The following IGF2BP2 variants were observed in gnomAD, a reference collection of about 807,000 sequenced individuals.
IGF2BP2 encodes insulin-like growth factor 2 mRNA-binding protein 2.
In IGF2BP2, 17 loss-of-function variants were observed where a neutral mutation model predicts 75.8. The observed-to-expected ratio is 0.22, with a 90% CI of 0.15 to 0.34. The LOEUF is 0.34. IGF2BP2 is among the 10% of genes least tolerant of loss of function. The pLI is 1.00. For synonymous variants in IGF2BP2, 288 were observed against 295.6 expected (o/e 0.97, Z 0.26); for missense variants, 516 against 772.4 (o/e 0.67, Z 3.93).
At chr3:185,800,732 A>G (rs904753655) in intron 2 of IGF2BP2, among the ~76,000 whole-genome samples, 1 of 152,040 alleles carries the variant, frequency 6.6e-6, no homozygotes, top group African/African-American at 2.4e-5. Context: ...GAAAGAAAGA[A>G]AGAAAGAAAG....
At chr3:185,774,009 T>C (rs1247006405) in intron 2 of IGF2BP2, among the ~76,000 whole-genome samples, 1 of 152,138 alleles carries the variant, frequency 6.6e-6, no homozygotes. Context: ...GAGAAACAAA[T>C]CTCTTTTGAT....
At position 185,808,227 on chromosome 3, in the gene IGF2BP2, G is replaced by A. The variant is rs923611241; in HGVS notation, c.239+14926C>T. On this transcript the variant is annotated intron_variant, in intron 2 of 15. Transcript: ENST00000382199. ...ATGGTGGCTCACACCTGTAATCCCA[G>A]GACTTTGGAAGGCCGAGGCGGGTGG... 2.6e-5 allele frequency among the ~76,000 whole-genome samples: 4 copies of A among 152,172 alleles called. No individual in the cohort carries two copies. The South Asian group carries it at 8.3e-4, about 32-fold the overall frequency.
At chr3:185,665,359 AAGG>A (rs1717247485) in intron 10 of IGF2BP2, among the ~76,000 whole-genome samples, 4 of 62,802 alleles carry the variant, frequency 6.4e-5, no homozygotes, top group Non-Finnish European at 9.9e-5. Context: ...GGAGGAGGAG[AAGG>A]AGGAGGAGGA....
In IGF2BP2 at chr3:185,646,266, C is replaced by T. The variant is rs375836277; in HGVS notation, c.1708-643G>A. 1.6e-4 allele frequency among the ~76,000 whole-genome samples: 25 copies of T among 152,046 alleles called. No individual in the cohort carries two copies. In the South Asian group the frequency reaches 5.0e-3, roughly 30 times the overall value. On this transcript the variant is annotated intron_variant, in intron 15 of 15. Coordinates refer to ENST00000382199, the MANE Select transcript of IGF2BP2 (RefSeq NM_006548.6). ...AGTGAGAATTTCAAAGGGCACTGGG[C>T]GGGGGGTGCGTGTGTGGGTGGCGGG...
At chr3:185,699,160 A>C (rs1475834265) in intron 2 of IGF2BP2, among the ~76,000 whole-genome samples, 1 of 152,230 alleles carries the variant, frequency 6.6e-6, no homozygotes, top group East Asian at 1.9e-4. Context: ...AAAAAACAAA[A>C]AACAAATGAA....
chr3:185,672,789 C>T, intron 9 of IGF2BP2, 120 bp from the exon 10 acceptor site: 2 of 1,090,842 alleles, frequency 1.8e-6, no homozygotes, highest in Non-Finnish European at 2.7e-6. Context: ...TCTGCCCAGG[C>T]TCTTCCTACC....
At chr3:185,735,513 T>C (rs777018116) in intron 2 of IGF2BP2, among the ~76,000 whole-genome samples, 1 of 152,224 alleles carries the variant, frequency 6.6e-6, no homozygotes, top group Non-Finnish European at 1.5e-5. Flanking sequence ...TAAATATAAA[T>C]AGCTAAGAAC....
At chr3:185,762,527 G>A (rs575876273) in intron 2 of IGF2BP2, among the ~76,000 whole-genome samples, 3 of 139,862 alleles carry the variant, frequency 2.1e-5, no homozygotes, top group South Asian at 2.4e-4. Flanking sequence ...AGGGAAGCTC[G>A]GTCTCAAAAA....
intron 2 of IGF2BP2, among the ~76,000 whole-genome samples, chr3:185,734,344 CAG>C (rs751123976): frequency 1.3e-5 from 2 of 152,330 alleles, no homozygotes; most frequent in Non-Finnish European, 2.9e-5. Flanking sequence ...TGCCCAAGGT[CAG>C]AGAGATCATA....
At chr3:185,747,477 G>A (rs1408230623) in intron 2 of IGF2BP2, among the ~76,000 whole-genome samples, 1 of 152,052 alleles carries the variant, frequency 6.6e-6, no homozygotes, top group African/African-American at 2.4e-5. Context: ...TCAGAACTTC[G>A]AGACAAGCCT....
intron 2 of IGF2BP2, among the ~76,000 whole-genome samples, chr3:185,808,967 T>C (rs992117680): frequency 7.9e-5 from 12 of 152,218 alleles, no homozygotes; most frequent in African/African-American, 2.7e-4. Context: ...TAGGTATTGT[T>C]AGACTTGTCT....
intron 2 of IGF2BP2, among the ~76,000 whole-genome samples, chr3:185,699,718 C>T (rs746260681): frequency 1.2e-4 from 18 of 152,184 alleles, no homozygotes; most frequent in Non-Finnish European, 2.4e-4. Flanking sequence ...TTGAGATCTT[C>T]CTCAAGGTAG....
chr3:185,664,530 CA>C (rs1171763268), intron 10 of IGF2BP2, among the ~76,000 whole-genome samples: 1 of 152,088 alleles, frequency 6.6e-6, no homozygotes, highest in Non-Finnish European at 1.5e-5. Context: ...GAGCTTTTTA[CA>C]AAATTGTGAT....
intron 11 of IGF2BP2, 66 bp downstream of exon 11, chr3:185,658,275 C>A (rs1715784711): frequency 8.3e-6 from 12 of 1,453,664 alleles, no homozygotes; most frequent in Non-Finnish European, 1.2e-5. Flanking sequence ...TCACTGGCCA[C>A]CAAGGGCCAA....
intron 5 of IGF2BP2, among the ~76,000 whole-genome samples, chr3:185,690,207 C>T (rs1452450181): frequency 6.6e-6 from 1 of 152,096 alleles, no homozygotes; most frequent in African/African-American, 2.4e-5. Flanking sequence ...GGCCATTTCC[C>T]CCTTATCAAA....
intron 2 of IGF2BP2, among the ~76,000 whole-genome samples, chr3:185,812,612 T>C (rs1740050259): frequency 6.6e-6 from 1 of 152,164 alleles, no homozygotes; most frequent in African/African-American, 2.4e-5. Context: ...ATTACACACT[T>C]TACACACTGT....
intron 7 of IGF2BP2, among the ~76,000 whole-genome samples, chr3:185,684,818 G>T (rs1381175908): frequency 1.3e-5 from 2 of 151,794 alleles, no homozygotes; most frequent in East Asian, 3.9e-4. Flanking sequence ...AGGAACCAAT[G>T]GGTGAAAAAA....
At chr3:185,660,617 G>A (rs1456959245) in intron 10 of IGF2BP2, among the ~76,000 whole-genome samples, 1 of 152,098 alleles carries the variant, frequency 6.6e-6, no homozygotes, top group Non-Finnish European at 1.5e-5. Flanking sequence ...CCCACAAGAG[G>A]GCGCTATGAG....
intron 2 of IGF2BP2, among the ~76,000 whole-genome samples, chr3:185,775,148 C>T (rs1396204163): frequency 6.6e-6 from 1 of 152,210 alleles, no homozygotes. Context: ...AATAACAGCA[C>T]TGACCTCATA....
Sources: allele counts gnomAD v4.1 joint callset (sites outside exome capture counted in the v4.1 genomes callset), GRCh38; gene constraint gnomAD v4.1.1; transcripts MANE v1.5; gene names NCBI Gene and HGNC (gene_info 2026-07-23, HGNC 2026-07-21).